Variants in IL1RAPL2 observed in about 807,000 individuals in gnomAD.
IL1RAPL2 encodes the protein interleukin 1 receptor accessory protein like 2.
A neutral mutation model predicts 44.1 loss-of-function variants in IL1RAPL2; 3 were observed. The ratio of observed to expected loss-of-function variants is 0.07; its 90% confidence interval spans 0.03 to 0.18. The LOEUF is 0.18. IL1RAPL2 is among the 10% of genes least tolerant of loss of function. The pLI is 1.00. For synonymous variants in IL1RAPL2, 181 were observed against 178.8 expected (o/e 1.01, Z -0.10); for missense variants, 391 against 496.4 (o/e 0.79, Z 2.02).
intron 6 of IL1RAPL2, among the ~76,000 whole-genome samples, chrX:105,695,898 G>T (rs2147534694): frequency 8.9e-6 from 1 of 112,096 alleles, no homozygotes; most frequent in South Asian, 3.7e-4. Flanking sequence ...TTAGTCAATT[G>T]CTCTTTCACC....
chrX:104,574,236 T>G (rs1262066717), intron 1 of IL1RAPL2, among the ~76,000 whole-genome samples: 1 of 111,293 alleles, frequency 9.0e-6, no homozygotes, highest in East Asian at 2.8e-4. Flanking sequence ...CACATAACAA[T>G]GGGTAGTTAT....
intron 2 of IL1RAPL2, among the ~76,000 whole-genome samples, chrX:104,744,081 G>C (rs1344595126): frequency 9.0e-6 from 1 of 110,969 alleles, no homozygotes; most frequent in Non-Finnish European, 1.9e-5. Flanking sequence ...GAAAGTGTTT[G>C]CTGTACACAA....
In IL1RAPL2 at chrX:105,633,704, G is replaced by T. The variant is rs749789132; in HGVS notation, c.773-83663G>T. Among the ~76,000 whole-genome samples the T allele has an allele frequency of 1.4e-4, 15 of 111,045 alleles. No homozygotes were observed. The South Asian group carries it at 1.5e-3, about 11-fold the overall frequency. ...CTTAAAATCTCACCATTAAAGTTTT[G>T]ATTAGTGTTTATATAATGTAATGCA... On this transcript the variant is annotated intron_variant, in intron 6 of 10. Transcript: ENST00000372582.
intron 2 of IL1RAPL2, among the ~76,000 whole-genome samples, chrX:104,998,149 T>TA (rs1179840193): frequency 9.0e-6 from 1 of 111,111 alleles, no homozygotes; most frequent in African/African-American, 3.3e-5. Context: ...AGTTACAGGT[T>TA]AAAAAGGAGT....
At chrX:104,828,420 C>T (rs1188603201) in intron 2 of IL1RAPL2, among the ~76,000 whole-genome samples, 3 of 111,983 alleles carry the variant, frequency 2.7e-5, no homozygotes, top group African/African-American at 6.5e-5. Flanking sequence ...GCTGGGGGTC[C>T]ACTCCAGACC....
intron 4 of IL1RAPL2, among the ~76,000 whole-genome samples, chrX:105,251,168 T>G (rs980489365): frequency 9.0e-6 from 1 of 110,810 alleles, no homozygotes; most frequent in Admixed American, 9.6e-5. Context: ...ATAAGTTAAG[T>G]TTTTAAAGAA....
chrX:104,659,474 C>T (rs1380910525), intron 2 of IL1RAPL2, among the ~76,000 whole-genome samples: 2 of 111,513 alleles, frequency 1.8e-5, no homozygotes, highest in African/African-American at 6.5e-5. Context: ...GCTAATTGCC[C>T]GAAGAGGAAT....
chrX:105,263,512 A>G (rs1159345995), intron 4 of IL1RAPL2, among the ~76,000 whole-genome samples: 1 of 111,936 alleles, frequency 8.9e-6, no homozygotes, highest in Non-Finnish European at 1.9e-5. Context: ...GAAGTAGACT[A>G]TGAATACAGT....
intron 1 of IL1RAPL2, among the ~76,000 whole-genome samples, chrX:104,593,062 C>T (rs1323989485): frequency 9.0e-6 from 1 of 111,264 alleles, no homozygotes; most frequent in Non-Finnish European, 1.9e-5. Context: ...GTAACATAGG[C>T]AAAACAAATT....
chrX:104,947,910 G>C (rs1252727825), intron 2 of IL1RAPL2, among the ~76,000 whole-genome samples: 1 of 111,440 alleles, frequency 9.0e-6, no homozygotes, highest in Non-Finnish European at 1.9e-5. Context: ...GCTCTTTTTT[G>C]GTTCCATATG....
intron 2 of IL1RAPL2, among the ~76,000 whole-genome samples, chrX:105,098,933 C>A (rs1200845314): frequency 8.9e-6 from 1 of 112,096 alleles, no homozygotes; most frequent in Admixed American, 9.5e-5. Flanking sequence ...AGAGTGAGAT[C>A]GTTTAGGAGA....
At chrX:105,579,657 A>G (rs1021802327) in intron 6 of IL1RAPL2, among the ~76,000 whole-genome samples, 1 of 111,639 alleles carries the variant, frequency 9.0e-6, no homozygotes, top group African/African-American at 3.2e-5. Flanking sequence ...TCTGTGCAAT[A>G]GGTATTCCTA....
At chrX:105,388,762 A>ATC (rs2035499619) in intron 5 of IL1RAPL2, among the ~76,000 whole-genome samples, 3 of 111,079 alleles carry the variant, frequency 2.7e-5, no homozygotes, top group African/African-American at 9.8e-5. Flanking sequence ...GGTTTTTTGC[A>ATC]TCTCTCTCTT....
chrX:105,007,062 C>A (rs2030956050), intron 2 of IL1RAPL2, among the ~76,000 whole-genome samples: 1 of 111,017 alleles, frequency 9.0e-6, no homozygotes. Flanking sequence ...AACTTATATC[C>A]CCAACTCTTC....
chrX:104,709,871 G>A (rs182511698), intron 2 of IL1RAPL2, among the ~76,000 whole-genome samples: 1 of 110,485 alleles, frequency 9.1e-6, no homozygotes, highest in East Asian at 2.8e-4. Flanking sequence ...TACGTAAATT[G>A]CAAACAATCC....
intron 5 of IL1RAPL2, among the ~76,000 whole-genome samples, chrX:105,285,285 G>A (rs1293933151): frequency 8.9e-6 from 1 of 112,008 alleles, no homozygotes; most frequent in East Asian, 2.8e-4. Flanking sequence ...ATAGGTTTGT[G>A]AGGTGGAAAA....
intron 2 of IL1RAPL2, among the ~76,000 whole-genome samples, chrX:104,859,286 G>A (rs1922438846): frequency 1.8e-5 from 2 of 111,562 alleles, no homozygotes; most frequent in Non-Finnish European, 3.8e-5. Flanking sequence ...AAGATTTTTA[G>A]TTTGCTGAAA....
chrX:104,946,295 C>A (rs1925348942), intron 2 of IL1RAPL2, among the ~76,000 whole-genome samples: 1 of 85,751 alleles, frequency 1.2e-5, no homozygotes, highest in African/African-American at 4.3e-5. Flanking sequence ...ATGGCGTGAA[C>A]CCGGGAAGCG....
chrX:105,767,349 T>A lies in IL1RAPL2; in HGVS notation c.1749T>A (p.Pro583=). The A allele has an allele frequency of 8.3e-7, 1 of 1,211,969 alleles. No homozygotes were observed. The highest frequency in any genetic ancestry group is 1.1e-6 in the Non-Finnish European group (1 of 895,461). Residue 583 remains proline, a synonymous_variant, in exon 11 of 11, where the codon CCT becomes CCA. Transcript: ENST00000372582. ...AEQGLFGELQ[P]IPSIAMTSTS... is the part of the protein sequence containing the mutation. Reference sequence around the variant, plus strand: ...AAGGACTTTTTGGAGAACTCCAGCCTATACCCTCTATTGCCATGACCAGTA... The same window carrying A: ...AAGGACTTTTTGGAGAACTCCAGCCAATACCCTCTATTGCCATGACCAGTA...
Sources: allele counts gnomAD v4.1 joint callset (sites outside exome capture counted in the v4.1 genomes callset), GRCh38; gene constraint gnomAD v4.1.1; transcripts MANE v1.5; gene names NCBI Gene and HGNC (gene_info 2026-07-23, HGNC 2026-07-21).